Variants in CARMIL2 observed in about 807,000 individuals in gnomAD.
The protein encoded by CARMIL2 is capping protein regulator and myosin 1 linker 2.
Under a neutral mutation model 173.3 loss-of-function variants are expected in CARMIL2, and 96 were observed. That is an observed-to-expected ratio of 0.55 (90% CI 0.47 to 0.66). The LOEUF is 0.66. CARMIL2 is among the 30% of genes least tolerant of loss of function. The pLI is 0.00. For missense variants in CARMIL2, 1,771 were observed against 1,906.7 expected (o/e 0.93, Z 1.33); for synonymous variants, 830 against 817.1 (o/e 1.02, Z -0.27).
chr16:67,651,654 C>A lies in CARMIL2; in HGVS notation c.2428-31C>A. ...CCAGCAGCCTGGTGTCTGGCCACATCCTCACCATGCTCTGACTGACCTTTG... is the reference window on the plus strand; with the variant it reads ...CCAGCAGCCTGGTGTCTGGCCACATACTCACCATGCTCTGACTGACCTTTG... On this transcript the variant is annotated intron_variant, in intron 24 of 37. Coordinates refer to ENST00000334583, the MANE Select transcript of CARMIL2 (RefSeq NM_001013838.3). This position sits in a 1 kb window ranked among gnomAD's most constrained non-coding sequence, Gnocchi z 4.2. 1 of 1,599,738 alleles carries A rather than the reference C, an allele frequency of 6.3e-7. No homozygotes were observed. Among genetic ancestry groups the A allele is most frequent in the Non-Finnish European group, 8.5e-7 (1 of 1,173,834 alleles).
At position 67,646,052 on chromosome 16, in the gene CARMIL2, C is replaced by G; in HGVS notation, c.221C>G (p.Ala74Gly). Residue 74 changes from alanine to glycine, a missense_variant, in exon 4 of 38, where the codon GCC (alanine) becomes GGC (glycine). Around this residue, in one of 3 missense-constraint regions of CARMIL2, gnomAD observed 944 missense variants for 975.6 expected, o/e 0.97. Coordinates refer to ENST00000334583, the MANE Select transcript of CARMIL2 (RefSeq NM_001013838.3). The surrounding 1 kb of genome is among the most constrained non-coding windows in gnomAD (Gnocchi z 4.6). ...ACGTTCAGCTACCTGGAGGTCCAGG[C>G]CATGGCGCTGCAGGAGACACCCCCT... is the stretch of plus-strand genomic sequence containing the variant. ...DCTFSYLEVQAMALQETPPQV... is the reference protein window; with the variant it reads ...DCTFSYLEVQGMALQETPPQV... 1 of 1,613,800 alleles carries G rather than the reference C, an allele frequency of 6.2e-7. No homozygotes were observed. Among genetic ancestry groups the G allele is most frequent in the East Asian group, 2.2e-5 (1 of 44,882 alleles).
At position 67,647,241 on chromosome 16, in the gene CARMIL2, G is replaced by A. The variant is rs1365932306; in HGVS notation, c.687+50G>A. 3 of 1,611,696 alleles carry A rather than the reference G, an allele frequency of 1.9e-6. No homozygotes were observed. In the South Asian group the frequency reaches 3.3e-5, roughly 18 times the overall value. Reference sequence around the variant, plus strand: ...GGGAGGGGCCAAGGGTGTGGGCCAGGGTGCAGCCCGCTGAGGGCCAGGGTG... The same window carrying A: ...GGGAGGGGCCAAGGGTGTGGGCCAGAGTGCAGCCCGCTGAGGGCCAGGGTG... On this transcript the variant is annotated intron_variant, in intron 9 of 37. Transcript: ENST00000334583.
rs1342536590 is a variant in CARMIL2, at chr16:67,651,528, C to T, written c.2427+14C>T. On this transcript the variant is annotated intron_variant, in intron 24 of 37. Transcript: ENST00000334583. This position sits in a 1 kb window ranked among gnomAD's most constrained non-coding sequence, Gnocchi z 4.2. ...CAGGACATCCAGGTGAGAGGGTACT[C>T]CTGCCCCAACCCCACCTCCGTTTGC... is the stretch of plus-strand genomic sequence containing the variant. 6.4e-7 allele frequency: 1 copy of T among 1,573,378 alleles called. No individual in the cohort carries two copies. The highest frequency in any genetic ancestry group is 1.3e-5 in the African/African-American group (1 of 74,186).
rs373947022 is a variant in CARMIL2 at position 67,646,065 on chromosome 16, G to C, written c.234G>C (p.Gln78His). 1.1e-5 allele frequency: 17 copies of C among 1,613,704 alleles called. No individual in the cohort carries two copies. Among genetic ancestry groups the C allele is most frequent in the Non-Finnish European group, 1.4e-5 (17 of 1,179,900 alleles). The change falls in exon 4 of 38, where the codon CAG becomes CAC. Residue 78 changes from glutamine to histidine, a missense_variant. This residue lies in a region of CARMIL2 where 944 missense variants were observed against 975.6 expected (regional missense o/e 0.97). Transcript: ENST00000334583. This position sits in a 1 kb window ranked among gnomAD's most constrained non-coding sequence, Gnocchi z 4.6. ...TGGAGGTCCAGGCCATGGCGCTGCA[G>C]GAGACACCCCCTCAGGTGAGACACC... is the stretch of plus-strand genomic sequence containing the variant. ...SYLEVQAMAL[Q>H]ETPPQVTFEL...
At position 67,649,671 on chromosome 16, in the gene CARMIL2, G is replaced by T; in HGVS notation, c.1919+52G>T. ...AGCGGGCAGGGGGCGCGGTGGAGAG[G>T]AGGGCACCGGGCTAAGGGGAGGGAC... On this transcript the variant is annotated intron_variant, in intron 20 of 37. Transcript: ENST00000334583. The surrounding 1 kb of genome is among the most constrained non-coding windows in gnomAD (Gnocchi z 6.7). The T allele has an allele frequency of 6.4e-7, 1 of 1,558,278 alleles. No individual in the cohort carries two copies. The highest frequency in any genetic ancestry group is 8.7e-7 in the Non-Finnish European group (1 of 1,155,470).
At position 67,646,624 on chromosome 16, in the gene CARMIL2, G is replaced by C; in HGVS notation, c.467-90G>C. On this transcript the variant is annotated intron_variant, in intron 6 of 37. Transcript: ENST00000334583. The surrounding 1 kb of genome is among the most constrained non-coding windows in gnomAD (Gnocchi z 4.6). ...ACTGAACAGAGCCATTCAGGTCCCA[G>C]CCACCACCTAGTCTGTGGGTCTGGT... 2 of 1,572,756 alleles carry C rather than the reference G, an allele frequency of 1.3e-6. No individual in the cohort carries two copies. The highest frequency in any genetic ancestry group is 1.7e-6 in the Non-Finnish European group (2 of 1,143,358).
At position 67,648,575 on chromosome 16, in the gene CARMIL2, T is replaced by C; in HGVS notation, c.1439+73T>C. 1 of 1,337,220 alleles carries C rather than the reference T, an allele frequency of 7.5e-7. No individual in the cohort carries two copies. The highest frequency in any genetic ancestry group is 1.3e-5 in the South Asian group (1 of 78,040). The allele number at this position is 1,337,220 out of a possible 1,614,324, so 82.8% of individuals were successfully genotyped here. A position where few individuals can be genotyped will look rare whatever the true frequency, so the allele number is the denominator to read the frequency against. ...CCTGGCCTTCGCCCCTCCCCGCTCC[T>C]GCTTCTGTCGCTCCCACAACCTCCC... On this transcript the variant is annotated intron_variant, in intron 15 of 37. Coordinates refer to ENST00000334583, the MANE Select transcript of CARMIL2 (RefSeq NM_001013838.3). The surrounding 1 kb of genome is among the most constrained non-coding windows in gnomAD (Gnocchi z 6.1).
At position 67,656,414 on chromosome 16, in the gene CARMIL2, C is replaced by T. The variant is rs768847433; in HGVS notation, c.3815-10C>T. 6 of 1,608,576 alleles carry T rather than the reference C, an allele frequency of 3.7e-6. No homozygotes were observed. The highest frequency in any genetic ancestry group is 2.2e-5 in the East Asian group (1 of 44,790). On this transcript the variant is annotated splice_polypyrimidine_tract_variant and intron_variant, in intron 34 of 37. Transcript: ENST00000334583. ...TGACCAGGTCTTGGCTGACACCTTT[C>T]TCCCTACAGACCCTTCCTGCAGACC...
rs926155441 is a variant in CARMIL2, at chr16:67,649,340, G to A, written c.1746+29G>A. On this transcript the variant is annotated intron_variant, in intron 19 of 37. Transcript: ENST00000334583. This position sits in a 1 kb window ranked among gnomAD's most constrained non-coding sequence, Gnocchi z 6.7. ...AGTTCACGGGACCTTGCAGGGCCTC[G>A]GGCAATTAGACCACTTTGGTCCTCC... 6.2e-7 allele frequency: 1 copy of A among 1,609,806 alleles called. No homozygotes were observed. Among genetic ancestry groups the A allele is most frequent in the African/African-American group, 1.3e-5 (1 of 74,916 alleles).
rs140398545 is a variant in CARMIL2, at chr16:67,657,291, C to T, written c.4170C>T (p.Leu1390=). The T allele has an allele frequency of 1.2e-3, 1,922 of 1,613,808 alleles. 36 individuals carry two copies. In the East Asian group the frequency reaches 0.035, roughly 29 times the overall value. ...CCGTCCTCAAACGCAGGCCAAAACT[C>T]GAGGCACCTCCATCCCCAAGCCTAG... ...RSPVLKRRPK[L]EAPPSPSLGS... is the part of the protein sequence containing the mutation. The change falls in exon 37 of 38, where the codon CTC becomes CTT. Residue 1390 remains leucine, a synonymous_variant. Transcript: ENST00000334583. The surrounding 1 kb of genome is among the most constrained non-coding windows in gnomAD (Gnocchi z 4.5).
chr16:67,646,978 G>A lies in CARMIL2; in HGVS notation c.611+5G>A. ...CTTCAGCCACCTCGGCAGTCGGTGT[G>A]TGGCCTGCCAGGATGGGAGAGGAGG... On this transcript the variant is annotated splice_donor_5th_base_variant and intron_variant, in intron 8 of 37. Transcript: ENST00000334583. This position sits in a 1 kb window ranked among gnomAD's most constrained non-coding sequence, Gnocchi z 4.6. 6.2e-7 allele frequency: 1 copy of A among 1,612,956 alleles called. No homozygotes were observed. The highest frequency in any genetic ancestry group is 1.1e-5 in the South Asian group (1 of 90,956).
rs199978795 is a variant in CARMIL2, at chr16:67,650,078, C to T, written c.2112C>T (p.Arg704=). The change falls in exon 22 of 38, where the codon CGC becomes CGT. Residue 704 remains arginine, a synonymous_variant. Transcript: ENST00000334583. ...QIQACLLRNN[R]ADPASSDHTT... ...AAGCCTGTCTCTTGAGGAACAACCG[C>T]GCAGACCCTGCCTCTTCTGACCACA... The T allele has an allele frequency of 2.9e-5, 47 of 1,613,820 alleles. No homozygotes were observed. The highest frequency in any genetic ancestry group is 1.1e-4 in the East Asian group (5 of 44,878).
At position 67,646,629 on chromosome 16, in the gene CARMIL2, C is replaced by A; in HGVS notation, c.467-85C>A. 6.4e-7 allele frequency: 1 copy of A among 1,572,032 alleles called. No homozygotes were observed. On this transcript the variant is annotated intron_variant, in intron 6 of 37. Coordinates refer to ENST00000334583, the MANE Select transcript of CARMIL2 (RefSeq NM_001013838.3). This position sits in a 1 kb window ranked among gnomAD's most constrained non-coding sequence, Gnocchi z 4.6. ...ACAGAGCCATTCAGGTCCCAGCCAC[C>A]ACCTAGTCTGTGGGTCTGGTCTTCC...
rs1175341823 is a variant in CARMIL2 at position 67,653,492 on chromosome 16, C to T, written c.3120+238C>T. ...GGTGTGCCTGGGTGTGGGACTCCGT[C>T]TCGGGGCGGCCCGCGGCCTCCGTGG... On this transcript the variant is annotated intron_variant, in intron 29 of 37. Transcript: ENST00000334583. This position sits in a 1 kb window ranked among gnomAD's most constrained non-coding sequence, Gnocchi z 7.4. Among the ~76,000 whole-genome samples, 3 of 152,086 alleles carry T rather than the reference C, an allele frequency of 2.0e-5. No homozygotes were observed. The highest frequency in any genetic ancestry group is 2.9e-5 in the Non-Finnish European group (2 of 67,972).
rs1471706281 is a variant in CARMIL2, at chr16:67,651,188, A to T, written c.2186A>T (p.Glu729Val). Residue 729 changes from glutamate (E) to valine (V), a missense_variant and splice_region_variant, in exon 23 of 38, where the codon GAA becomes GTA. This residue lies in a region of CARMIL2 where 10 missense variants were observed against 27.6 expected (regional missense o/e 0.36). Coordinates refer to ENST00000334583, the MANE Select transcript of CARMIL2 (RefSeq NM_001013838.3). The surrounding 1 kb of genome is among the most constrained non-coding windows in gnomAD (Gnocchi z 4.2). ...LGLVSDPSEQ[E>V]VNELCQSVQE... ...AGACTGATCCCCATTTCGCCCCAGG[A>T]AGTGAATGAATTGTGTCAGTCGGTG... is the stretch of plus-strand genomic sequence containing the variant. 1.2e-6 allele frequency: 2 copies of T among 1,612,830 alleles called. No homozygotes were observed. Among genetic ancestry groups the T allele is most frequent in the African/African-American group, 1.3e-5 (1 of 75,034 alleles).
Position 67,654,181 on chromosome 16 carries a change from G to T in CARMIL2, c.3153G>T (p.Gly1051=). The T allele has an allele frequency of 1.9e-6, 3 of 1,567,416 alleles. No individual in the cohort carries two copies. The highest frequency in any genetic ancestry group is 2.6e-6 in the Non-Finnish European group (3 of 1,156,624). The change falls in exon 30 of 38, where the codon GGG becomes GGT. Residue 1051 remains glycine (G), a synonymous_variant. Coordinates refer to ENST00000334583, the MANE Select transcript of CARMIL2 (RefSeq NM_001013838.3). ...CAGCCTTGCCGCAGGAAGGGAATGG[G>T]CTCAGTGCCCGCGTGGACGAGGGCG... ...VPPALPQEGN[G]LSARVDEGVE... is the part of the protein sequence containing the mutation.
rs1291310176 is a variant in CARMIL2, at chr16:67,648,223, A to G, written c.1243A>G (p.Ser415Gly). 1 of 1,602,112 alleles carries G rather than the reference A, an allele frequency of 6.2e-7. No individual in the cohort carries two copies. The highest frequency in any genetic ancestry group is 8.5e-7 in the Non-Finnish European group (1 of 1,175,868). The change falls in exon 14 of 38, where the codon AGC becomes GGC. Residue 415 changes from serine (S) to glycine (G), a missense_variant. Around this residue, in one of 3 missense-constraint regions of CARMIL2, gnomAD observed 944 missense variants for 975.6 expected, o/e 0.97. Coordinates refer to ENST00000334583, the MANE Select transcript of CARMIL2 (RefSeq NM_001013838.3). This position sits in a 1 kb window ranked among gnomAD's most constrained non-coding sequence, Gnocchi z 6.1. ...CGGTCCCCCCGCGGGTGTAGCCAAC[A>G]GCCTCCCCCCGCAGCTCTTCGCAGC... is the stretch of plus-strand genomic sequence containing the variant. ...GLGPPAGVAN[S>G]LPPQLFAAVS...
At position 67,646,626 on chromosome 16, in the gene CARMIL2, C is replaced by T; in HGVS notation, c.467-88C>T. The T allele has an allele frequency of 7.0e-6, 11 of 1,570,824 alleles. No individual in the cohort carries two copies. The highest frequency in any genetic ancestry group is 8.8e-6 in the Non-Finnish European group (10 of 1,141,532). On this transcript the variant is annotated intron_variant, in intron 6 of 37. Coordinates refer to ENST00000334583, the MANE Select transcript of CARMIL2 (RefSeq NM_001013838.3). The surrounding 1 kb of genome is among the most constrained non-coding windows in gnomAD (Gnocchi z 4.6). ...TGAACAGAGCCATTCAGGTCCCAGC[C>T]ACCACCTAGTCTGTGGGTCTGGTCT...
In CARMIL2 at chr16:67,646,892, T is replaced by C; in HGVS notation, c.538-8T>C. On this transcript the variant is annotated splice_polypyrimidine_tract_variant and splice_region_variant and intron_variant, in intron 7 of 37. Coordinates refer to ENST00000334583, the MANE Select transcript of CARMIL2 (RefSeq NM_001013838.3). The surrounding 1 kb of genome is among the most constrained non-coding windows in gnomAD (Gnocchi z 4.6). ...CAGGCGAACTGTAAGCATCTCCTTC[T>C]CACCCAGGACGTGGACACCATTTAC... The C allele has an allele frequency of 1.2e-6, 2 of 1,613,774 alleles. No individual in the cohort carries two copies. Among genetic ancestry groups the C allele is most frequent in the Non-Finnish European group, 1.7e-6 (2 of 1,179,868 alleles).
Sources: allele counts gnomAD v4.1 joint callset (sites outside exome capture counted in the v4.1 genomes callset), GRCh38; gene constraint gnomAD v4.1.1; regional missense constraint gnomAD v4.1.1; non-coding constraint Gnocchi (gnomAD v3.1); transcripts MANE v1.5; gene names NCBI Gene and HGNC (gene_info 2026-07-23, HGNC 2026-07-21).